The following TMEM132D variants were observed in gnomAD, a reference collection of about 807,000 sequenced individuals.
TMEM132D encodes transmembrane protein 132D, also known as mature OL transmembrane protein.
TMEM132D carries 21 observed loss-of-function variants against 62.3 expected under a neutral mutation model. The observed-to-expected ratio is 0.34, with a 90% CI of 0.24 to 0.49. The LOEUF (loss-of-function observed/expected upper bound fraction) is 0.49, where lower values mean the gene tolerates loss of function less well. TMEM132D is among the 20% of genes least tolerant of loss of function. TMEM132D has a pLI of 0.99. For synonymous variants in TMEM132D, 621 were observed against 575.6 expected, an observed-to-expected ratio of 1.08 and a Z score of -1.13; for missense variants, 1,346 against 1,402.8, an observed-to-expected ratio of 0.96 and a Z score of 0.65.
At chr12:129,684,006 C>T (rs1027592121) in intron 2 of TMEM132D, among the ~76,000 whole-genome samples, 1 of 152,284 alleles carries the variant, frequency 6.6e-6, no homozygotes, top group Middle Eastern at 3.4e-3. Flanking sequence ...AAAGTCAACT[C>T]AAGGTTACAA....
At chr12:129,132,176 G>T (rs1217785467) in intron 5 of TMEM132D, among the ~76,000 whole-genome samples, 2 of 152,096 alleles carry the variant, frequency 1.3e-5, no homozygotes, top group East Asian at 3.8e-4. Flanking sequence ...AAATATGCTT[G>T]CAGTAACCTG....
chr12:129,345,898 C>A (rs919484688), intron 3 of TMEM132D, among the ~76,000 whole-genome samples: 8 of 151,894 alleles, frequency 5.3e-5, no homozygotes, highest in Non-Finnish European at 4.4e-5. Context: ...CTGAAATTTT[C>A]TTTTTTTTAT....
At chr12:129,437,692 T>C (rs1255938189) in intron 3 of TMEM132D, among the ~76,000 whole-genome samples, 1 of 152,102 alleles carries the variant, frequency 6.6e-6, no homozygotes, top group Admixed American at 6.6e-5. Flanking sequence ...AGACATTCCA[T>C]TCCTAAGTAC....
intron 4 of TMEM132D, among the ~76,000 whole-genome samples, chr12:129,330,824 G>C (rs894784062): frequency 5.3e-5 from 8 of 152,160 alleles, no homozygotes; most frequent in Non-Finnish European, 1.0e-4. Flanking sequence ...ACAGAAAATA[G>C]ACAAATACAC....
chr12:129,179,904 T>G (rs1878017287), intron 5 of TMEM132D, among the ~76,000 whole-genome samples: 1 of 152,020 alleles, frequency 6.6e-6, no homozygotes, highest in Non-Finnish European at 1.5e-5. Context: ...GGCTGGAGCC[T>G]GTAATCCCAG....
intron 2 of TMEM132D, among the ~76,000 whole-genome samples, chr12:129,615,647 C>T (rs969841149): frequency 8.6e-5 from 13 of 150,746 alleles, no homozygotes; most frequent in Admixed American, 6.0e-4. Flanking sequence ...TGGTGTATGC[C>T]TGTTGTCCCA....
At chr12:129,489,397 T>C (rs899483585) in intron 3 of TMEM132D, among the ~76,000 whole-genome samples, 6 of 152,210 alleles carry the variant, frequency 3.9e-5, no homozygotes, top group Non-Finnish European at 7.3e-5. Flanking sequence ...TGAGGCAGTG[T>C]TTGGGCCTTG....
intron 1 of TMEM132D, among the ~76,000 whole-genome samples, chr12:129,780,816 A>G (rs898071467): frequency 2.0e-5 from 3 of 152,170 alleles, no homozygotes; most frequent in African/African-American, 7.2e-5. Context: ...AGTGGCTGGG[A>G]TCTCTCTTTG....
At chr12:129,809,895 T>G (rs1872117522) in intron 1 of TMEM132D, among the ~76,000 whole-genome samples, 2 of 152,230 alleles carry the variant, frequency 1.3e-5, no homozygotes, top group South Asian at 4.1e-4. Flanking sequence ...AAAAGAAATA[T>G]TTCTAGGAAA....
At chr12:129,848,963 T>G (rs1360529277) in intron 1 of TMEM132D, among the ~76,000 whole-genome samples, 1 of 152,334 alleles carries the variant, frequency 6.6e-6, no homozygotes, top group East Asian at 1.9e-4. Context: ...CCCAGCCAAG[T>G]TGATTTCCCT....
At chr12:129,684,326 AT>A (rs1169083960) in intron 2 of TMEM132D, among the ~76,000 whole-genome samples, 1 of 152,098 alleles carries the variant, frequency 6.6e-6, no homozygotes, top group Non-Finnish European at 1.5e-5. Context: ...TGATGGTTTT[AT>A]AAGGGGCGTT....
At chr12:129,335,503 C>T (rs1175398538) in intron 4 of TMEM132D, among the ~76,000 whole-genome samples, 1 of 152,132 alleles carries the variant, frequency 6.6e-6, no homozygotes, top group East Asian at 1.9e-4. Context: ...CTGTAACTCC[C>T]TCTACAGATG....
chr12:129,646,304 C>T (rs1037752379), intron 2 of TMEM132D, among the ~76,000 whole-genome samples: 6 of 152,146 alleles, frequency 3.9e-5, no homozygotes, highest in Admixed American at 2.6e-4. Context: ...ACCCACTTTG[C>T]AGAGGGCGAT....
chr12:129,625,443 AT>A (rs1194126240), intron 2 of TMEM132D, among the ~76,000 whole-genome samples: 1 of 152,074 alleles, frequency 6.6e-6, no homozygotes. Flanking sequence ...TGTTTTCATC[AT>A]TTCCATACCC....
intron 4 of TMEM132D, among the ~76,000 whole-genome samples, chr12:129,336,849 T>G (rs1403062237): frequency 6.6e-6 from 1 of 152,142 alleles, no homozygotes. Flanking sequence ...CTCAGTCTCC[T>G]CAGACCAGAG....
intron 5 of TMEM132D, among the ~76,000 whole-genome samples, chr12:129,150,281 C>T (rs1336004378): frequency 6.6e-6 from 1 of 152,204 alleles, no homozygotes; most frequent in African/African-American, 2.4e-5. Flanking sequence ...CTTCCCAGGA[C>T]CCCGTGGGTG....
At chr12:129,276,095 CAT>C (rs1469612859) in intron 4 of TMEM132D, among the ~76,000 whole-genome samples, 3 of 152,190 alleles carry the variant, frequency 2.0e-5, no homozygotes, top group Non-Finnish European at 4.4e-5. Context: ...AATATTAACA[CAT>C]GATAGCCAGG....
At chr12:129,699,782 T>C in intron 2 of TMEM132D, 28 bp downstream of exon 2, 1 of 1,608,574 alleles carries the variant, frequency 6.2e-7, no homozygotes, top group Non-Finnish European at 8.5e-7. Context: ...GACGGGCGGG[T>C]ACAGACAGAC....
intron 1 of TMEM132D, among the ~76,000 whole-genome samples, chr12:129,875,334 C>T (rs997248148): frequency 6.6e-6 from 1 of 152,232 alleles, no homozygotes; most frequent in Admixed American, 6.5e-5. Flanking sequence ...TCTGTTCAGG[C>T]TGCCTTAACA....
Sources: allele counts gnomAD v4.1 joint callset (sites outside exome capture counted in the v4.1 genomes callset), GRCh38; gene constraint gnomAD v4.1.1; transcripts MANE v1.5; gene names NCBI Gene and HGNC (gene_info 2026-07-23, HGNC 2026-07-21).